Variants in TESMIN observed in about 807,000 individuals in gnomAD.
The protein encoded by TESMIN is testis expressed metallothionein like protein, also known as CXC domain containing 2.
TESMIN carries 34 observed loss-of-function variants against 47.4 expected under a neutral mutation model. That is an observed-to-expected ratio of 0.72 (90% CI 0.55 to 0.96). The LOEUF is 0.96. Among genes scored for constraint, TESMIN ranks in the 40% least tolerant of loss-of-function variants. The pLI is 0.00. For missense variants in TESMIN, 610 were observed against 637.2 expected (o/e 0.96, Z 0.46); for synonymous variants, 278 against 258.9 (o/e 1.07, Z -0.71).
chr11:68,747,105 T>C, intron 3 of TESMIN, 103 bp downstream of exon 3: 1 of 1,315,206 alleles, frequency 7.6e-7, no homozygotes, highest in Non-Finnish European at 1.1e-6. Context: ...ATACAATACA[T>C]ACGTGAAATG....
chr11:68,744,728 C>T (rs936929024), intron 4 of TESMIN: 1 of 275,026 alleles, frequency 3.6e-6, no homozygotes, highest in African/African-American at 2.2e-5. Flanking sequence ...TCTGAGTCAT[C>T]ACCTGTTAGG....
chr11:68,704,841 A>T (rs1192641318), downstream of TESMIN, among the ~76,000 whole-genome samples: 1 of 152,254 alleles, frequency 6.6e-6, no homozygotes, highest in African/African-American at 2.4e-5. Context: ...TTGTTGTTGA[A>T]AAACAAACCA....
In TESMIN at chr11:68,713,234, G is replaced by GT; in HGVS notation, c.1158+35dup. Reference sequence around the variant, plus strand: ...AAAGTTACTCAACATATTTACCTGTGTTTTTTGTTAGTGAGTTAGGGAGCT... The same window carrying GT: ...AAAGTTACTCAACATATTTACCTGTGTTTTTTTGTTAGTGAGTTAGGGAGCT... On this transcript the variant is annotated intron_variant, in intron 8 of 9. Transcript: ENST00000255087. 8.2e-6 allele frequency: 13 copies of GT among 1,580,932 alleles called. No individual in the cohort carries two copies. In the African/African-American group the frequency reaches 1.2e-4, roughly 15 times the overall value.
intron 3 of TESMIN, among the ~76,000 whole-genome samples, chr11:68,745,420 C>G (rs144347488): frequency 6.6e-6 from 1 of 151,940 alleles, no homozygotes; most frequent in Non-Finnish European, 1.5e-5. Context: ...AGTTGGGGAT[C>G]AGGTAGCCAT....
chr11:68,705,504 T>C (rs1420847133), downstream of TESMIN, among the ~76,000 whole-genome samples: 1 of 152,212 alleles, frequency 6.6e-6, no homozygotes, highest in African/African-American at 2.4e-5. Flanking sequence ...CTCCTAAGGA[T>C]GCTCCCTGGC....
chr11:68,716,811 C>G (rs1946144969), intron 6 of TESMIN, among the ~76,000 whole-genome samples: 1 of 152,254 alleles, frequency 6.6e-6, no homozygotes, highest in South Asian at 2.1e-4. Context: ...AGGACTCCTA[C>G]TGTGCCACCT....
At chr11:68,742,553 A>T (rs904345610) in intron 4 of TESMIN, among the ~76,000 whole-genome samples, 159 bp from the exon 5 acceptor site, 6 of 152,218 alleles carry the variant, frequency 3.9e-5, no homozygotes, top group African/African-American at 1.4e-4. Flanking sequence ...AAAACCTTTC[A>T]AGTCAGTATT....
At chr11:68,730,044 C>T (rs1448269586) in intron 6 of TESMIN, among the ~76,000 whole-genome samples, 2 of 152,200 alleles carry the variant, frequency 1.3e-5, no homozygotes, top group African/African-American at 4.8e-5. Context: ...GACATTAAGG[C>T]AAGACCCTCC....
At chr11:68,719,799 A>C (rs534949404) in intron 6 of TESMIN, among the ~76,000 whole-genome samples, 2 of 152,362 alleles carry the variant, frequency 1.3e-5, no homozygotes, top group East Asian at 3.9e-4. Context: ...TTGCAAATAT[A>C]CAAGAGAGGT....
At chr11:68,718,217 C>T (rs2153991001) in intron 6 of TESMIN, among the ~76,000 whole-genome samples, 1 of 152,178 alleles carries the variant, frequency 6.6e-6, no homozygotes, top group East Asian at 1.9e-4. Flanking sequence ...CAGAGTGACG[C>T]CCAGGGATCC....
In TESMIN at chr11:68,750,663, C is replaced by G. The variant is rs745368206; in HGVS notation, c.-3G>C. On this transcript the variant is annotated 5_prime_UTR_variant, in exon 2 of 10. Coordinates refer to ENST00000255087, the MANE Select transcript of TESMIN (RefSeq NM_004923.3). ...CCCGGCAGAGGGCCCTCCTCCATGGCGCAGGGCGGCGGGGCGGGATGGCGG... is the reference window on the plus strand; with the variant it reads ...CCCGGCAGAGGGCCCTCCTCCATGGGGCAGGGCGGCGGGGCGGGATGGCGG... The G allele has an allele frequency of 2.0e-6, 3 of 1,511,704 alleles. No homozygotes were observed. 93.6% of individuals were successfully genotyped at this position (1,511,704 alleles called of 1,614,324 possible). A position where few individuals can be genotyped will look rare whatever the true frequency, so the allele number is the denominator to read the frequency against.
chr11:68,723,487 A>T (rs1946226332), intron 6 of TESMIN, among the ~76,000 whole-genome samples: 1 of 151,660 alleles, frequency 6.6e-6, no homozygotes, highest in Non-Finnish European at 1.5e-5. Flanking sequence ...AAAAAATTTA[A>T]AGACTGAAAA....
chr11:68,737,457 C>T (rs1594298173), intron 6 of TESMIN: 1 of 985,528 alleles, frequency 1.0e-6, no homozygotes, highest in Non-Finnish European at 1.2e-6. Context: ...CATTCCAGCC[C>T]CAAACCACTC....
At chr11:68,737,209 G>A (rs917921890) in intron 6 of TESMIN, 2 of 985,212 alleles carry the variant, frequency 2.0e-6, no homozygotes, top group Admixed American at 6.1e-5. Context: ...TACAATCATA[G>A]CAACTGCACC....
At chr11:68,720,070 G>C (rs1946187454) in intron 6 of TESMIN, among the ~76,000 whole-genome samples, 1 of 152,166 alleles carries the variant, frequency 6.6e-6, no homozygotes, top group Non-Finnish European at 1.5e-5. Flanking sequence ...ACTTGCATCT[G>C]ACTGCTTGTT....
chr11:68,734,184 T>A (rs1169458824), intron 6 of TESMIN, among the ~76,000 whole-genome samples: 1 of 152,218 alleles, frequency 6.6e-6, no homozygotes, highest in African/African-American at 2.4e-5. Flanking sequence ...TATCAAAGCA[T>A]GTTAGTAATC....
intron 9 of TESMIN, among the ~76,000 whole-genome samples, chr11:68,709,221 C>G (rs1946033508): frequency 6.6e-6 from 1 of 152,208 alleles, no homozygotes; most frequent in Non-Finnish European, 1.5e-5. Flanking sequence ...CCCAGAGGAT[C>G]CCGGGCTACA....
chr11:68,714,590 G>A (rs1946113307), intron 7 of TESMIN, among the ~76,000 whole-genome samples: 1 of 152,218 alleles, frequency 6.6e-6, no homozygotes. Flanking sequence ...CAACTAGGAG[G>A]TCCGTCCGCA....
At chr11:68,748,945 C>T (rs1363682098) in intron 2 of TESMIN, among the ~76,000 whole-genome samples, 1 of 152,182 alleles carries the variant, frequency 6.6e-6, no homozygotes, top group African/African-American at 2.4e-5. Context: ...AAGCAATTCT[C>T]CTGCCTCAGC....
Sources: allele counts gnomAD v4.1 joint callset (sites outside exome capture counted in the v4.1 genomes callset), GRCh38; gene constraint gnomAD v4.1.1; transcripts MANE v1.5; gene names NCBI Gene and HGNC (gene_info 2026-07-23, HGNC 2026-07-21).